Variants in CNTN5 observed in about 807,000 individuals in gnomAD.
CNTN5 encodes contactin 5.
Under a neutral mutation model 129.1 loss-of-function variants are expected in CNTN5, and 77 were observed. That is an observed-to-expected ratio of 0.60 (90% CI 0.50 to 0.72). The LOEUF (loss-of-function observed/expected upper bound fraction) is 0.72. Ranked by LOEUF, CNTN5 falls within the 30% of genes least tolerant of loss-of-function variation. The pLI, the probability that CNTN5 is intolerant of heterozygous loss-of-function variation, is 0.00. For missense variants in CNTN5, 1,478 were observed against 1,328.8 expected (o/e 1.11, Z -1.75); for synonymous variants, 509 against 465.6 (o/e 1.09, Z -1.20).
intron 2 of CNTN5, among the ~76,000 whole-genome samples, chr11:99,439,511 C>G (rs1243963120): frequency 1.3e-5 from 2 of 151,670 alleles, no homozygotes; most frequent in African/African-American, 4.8e-5. Context: ...AGTTCAACAC[C>G]AGCCTGGCCA....
intron 2 of CNTN5, among the ~76,000 whole-genome samples, chr11:99,347,476 A>G (rs1051833015): frequency 6.6e-6 from 1 of 152,168 alleles, no homozygotes; most frequent in African/African-American, 2.4e-5. Context: ...CTCAAATAAC[A>G]TAATAGCTAT....
chr11:100,183,369 G>T (rs1948198100), intron 13 of CNTN5, among the ~76,000 whole-genome samples: 2 of 152,024 alleles, frequency 1.3e-5, no homozygotes, highest in South Asian at 4.1e-4. Context: ...CAGGTAAATG[G>T]ATAAACAAAT....
At chr11:99,951,943 A>T (rs1229120116) in intron 7 of CNTN5, among the ~76,000 whole-genome samples, 1 of 152,226 alleles carries the variant, frequency 6.6e-6, no homozygotes, top group Non-Finnish European at 1.5e-5. Context: ...ATATGCATTT[A>T]TTCACCAAAT....
At chr11:99,921,118 A>G (rs7126024) in intron 7 of CNTN5, among the ~76,000 whole-genome samples, 46,106 of 151,972 alleles carry the variant, frequency 0.3, 8,270 homozygotes, top group South Asian at 0.4. Flanking sequence ...TAACTGTGGG[A>G]AAATAAATTT....
intron 1 of CNTN5, among the ~76,000 whole-genome samples, chr11:99,123,606 T>C (rs559463915): frequency 1.3e-5 from 2 of 152,060 alleles, no homozygotes; most frequent in South Asian, 4.1e-4. Context: ...CATGAAATTT[T>C]TGCCAAGTTC....
At chr11:99,934,843 C>A (rs7117104) in intron 7 of CNTN5, among the ~76,000 whole-genome samples, 51,306 of 145,326 alleles carry the variant, frequency 0.35, 9,473 homozygotes, top group Middle Eastern at 0.43. Context: ...CCACTGCACT[C>A]CAGCCTGGGC....
At chr11:100,031,464 C>G (rs748071037) in intron 9 of CNTN5, among the ~76,000 whole-genome samples, 5 of 152,098 alleles carry the variant, frequency 3.3e-5, no homozygotes, top group Admixed American at 3.3e-4. Flanking sequence ...AGCCTATAAA[C>G]GGATGCATGA....
intron 2 of CNTN5, among the ~76,000 whole-genome samples, chr11:99,553,037 C>G (rs1284720339): frequency 5.3e-5 from 8 of 152,006 alleles, no homozygotes; most frequent in Admixed American, 2.0e-4. Context: ...TGACTGAATC[C>G]GAACACTATT....
In CNTN5 at chr11:99,032,454, C is replaced by G. The variant is rs1863444179; in HGVS notation, c.-210+11184C>G. Among the ~76,000 whole-genome samples, 3 of 149,320 alleles carry G rather than the reference C, an allele frequency of 2.0e-5. No homozygotes were observed. The South Asian group carries it at 6.4e-4, about 32-fold the overall frequency. Reference sequence around the variant, plus strand: ...TTGTTTCCTGACTTTTTAATGATTGCCATTCTAACTGGTGTGAGATGGTAT... The same window carrying G: ...TTGTTTCCTGACTTTTTAATGATTGGCATTCTAACTGGTGTGAGATGGTAT... On this transcript the variant is annotated intron_variant, in intron 1 of 24. Coordinates refer to ENST00000524871, the MANE Select transcript of CNTN5 (RefSeq NM_014361.4).
intron 13 of CNTN5, among the ~76,000 whole-genome samples, chr11:100,091,424 C>CTTTTTT (rs60075209): frequency 7.9e-5 from 9 of 114,440 alleles, no homozygotes; most frequent in African/African-American, 1.4e-4. Flanking sequence ...TTTATTTATT[C>CTTTTTT]TTTTTTTTTT....
At chr11:100,351,556 A>G (rs1952412409) in intron 24 of CNTN5, among the ~76,000 whole-genome samples, 1 of 150,984 alleles carries the variant, frequency 6.6e-6, no homozygotes, top group Non-Finnish European at 1.5e-5. Flanking sequence ...AAAACCACAT[A>G]TCTCCATCAC....
chr11:100,013,288 A>G (rs1387817700), intron 9 of CNTN5, among the ~76,000 whole-genome samples: 1 of 152,146 alleles, frequency 6.6e-6, no homozygotes, highest in African/African-American at 2.4e-5. Context: ...CTTCACCACT[A>G]CACAATATAG....
intron 3 of CNTN5, among the ~76,000 whole-genome samples, chr11:99,570,447 C>A (rs180818281): frequency 6.6e-6 from 1 of 152,184 alleles, no homozygotes; most frequent in South Asian, 2.1e-4. Context: ...TTCAAGTAGT[C>A]GTAGCCTATA....
At chr11:100,174,206 A>G (rs1268819496) in intron 13 of CNTN5, among the ~76,000 whole-genome samples, 1 of 152,106 alleles carries the variant, frequency 6.6e-6, no homozygotes, top group African/African-American at 2.4e-5. Context: ...AGAAACAAGG[A>G]TATGGATATC....
intron 1 of CNTN5, among the ~76,000 whole-genome samples, chr11:99,248,474 C>G (rs1861931724): frequency 6.6e-6 from 1 of 151,848 alleles, no homozygotes; most frequent in South Asian, 2.1e-4. Context: ...TAATTAGATC[C>G]CATTTGTCAA....
At chr11:99,910,870 C>T (rs906674897) in intron 6 of CNTN5, among the ~76,000 whole-genome samples, 6 of 152,006 alleles carry the variant, frequency 3.9e-5, no homozygotes, top group African/African-American at 1.4e-4. Flanking sequence ...AAAAAATTTA[C>T]AGTGACCTGA....
chr11:100,113,417 CAAAAAAAAAAAAAAAAAAAAAAAA>C (rs555286793), intron 13 of CNTN5, among the ~76,000 whole-genome samples: 5 of 16,774 alleles, frequency 3.0e-4, no homozygotes, highest in Non-Finnish European at 2.2e-4. Context: ...GATGCCATGC[CAAAAAAAAAAAAAAAAAAAAAAAA>C]AAAAAAAAAA....
Position 99,697,428 on chromosome 11 carries a change from A to G in CNTN5, c.56-122116A>G, listed in dbSNP as rs1330805114. Among the ~76,000 whole-genome samples the G allele has an allele frequency of 3.3e-5, 5 of 151,770 alleles. No individual in the cohort carries two copies. In the Admixed American group the frequency reaches 3.3e-4, roughly 10 times the overall value. On this transcript the variant is annotated intron_variant, in intron 3 of 24. Transcript: ENST00000524871. The stretch of plus-strand genomic sequence containing the variant: ...CCTAATATGATGCTTTGAGAATGGC[A>G]CCTTAACTCCCAAAAACCCAAAATT...
chr11:99,817,596 GTTTTTT>G (rs372057505), intron 3 of CNTN5, among the ~76,000 whole-genome samples: 37 of 99,622 alleles, frequency 3.7e-4, no homozygotes, highest in African/African-American at 1.3e-3. Context: ...GTCTGGGATA[GTTTTTT>G]TTTTTTTTTT....
Sources: allele counts gnomAD v4.1 joint callset (sites outside exome capture counted in the v4.1 genomes callset), GRCh38; gene constraint gnomAD v4.1.1; transcripts MANE v1.5; gene names NCBI Gene and HGNC (gene_info 2026-07-23, HGNC 2026-07-21).